Variants in PLCE1 observed in about 807,000 individuals in gnomAD.
PLCE1 encodes 1-phosphatidylinositol 4,5-bisphosphate phosphodiesterase epsilon-1.
Under a neutral mutation model 242.8 loss-of-function variants are expected in PLCE1, and 119 were observed. The ratio of observed to expected loss-of-function variants is 0.49; its 90% CI spans 0.42 to 0.57. The LOEUF is 0.57. Ranked by LOEUF, PLCE1 falls within the 20% of genes least tolerant of loss-of-function variation. PLCE1 has a pLI of 0.00. For synonymous variants in PLCE1, 945 were observed against 1,017.4 expected (o/e 0.93, Z 1.35); for missense variants, 2,441 against 2,788.8 (o/e 0.88, Z 2.81).
chr10:94,266,436 T>C (rs77299107), intron 16 of PLCE1, among the ~76,000 whole-genome samples: 1 of 149,146 alleles, frequency 6.7e-6, no homozygotes, highest in Non-Finnish European at 1.5e-5. Context: ...CCAAAAAAAA[T>C]GCAGAAAAAA....
chr10:94,070,565 C>A (rs775727200), intron 2 of PLCE1, among the ~76,000 whole-genome samples: 2 of 152,196 alleles, frequency 1.3e-5, no homozygotes, highest in African/African-American at 2.4e-5. Context: ...TTATTACTTT[C>A]TCAGTCTAGA....
intron 26 of PLCE1, among the ~76,000 whole-genome samples, chr10:94,307,269 T>A (rs1169394958): frequency 6.6e-6 from 1 of 152,210 alleles, no homozygotes; most frequent in African/African-American, 2.4e-5. Flanking sequence ...ACCATGCAGA[T>A]CGTGATTCAG....
chr10:94,032,327 G>C, intron 2 of PLCE1, 75 bp downstream of exon 2: 1 of 1,334,272 alleles, frequency 7.5e-7, no homozygotes, highest in Non-Finnish European at 1.1e-6. Flanking sequence ...AATTTCCATT[G>C]TCATAATTGA....
rs143152355 is a variant in PLCE1, at chr10:94,199,349, C to A, written c.1809+27853C>A. On this transcript the variant is annotated intron_variant, in intron 4 of 32. Transcript: ENST00000371380. ...CATTCCAGTTGCTCCATATCCACAC[C>A]AGCCCTTGTCAAAAATCTCAGTTTC... Among the ~76,000 whole-genome samples, 478 of 152,306 alleles carry A rather than the reference C, an allele frequency of 3.1e-3. 2 individuals are homozygous for A. The highest frequency in any genetic ancestry group is 7.5e-3 in the African/African-American group (312 of 41,560).
At chr10:94,153,214 G>C (rs1199833538) in intron 3 of PLCE1, among the ~76,000 whole-genome samples, 1 of 152,040 alleles carries the variant, frequency 6.6e-6, no homozygotes, top group Admixed American at 6.6e-5. Flanking sequence ...TTCTCAGTTA[G>C]ACCATACTTA....
At chr10:94,117,656 T>C (rs1426571784) in intron 2 of PLCE1, among the ~76,000 whole-genome samples, 1 of 152,208 alleles carries the variant, frequency 6.6e-6, no homozygotes, top group East Asian at 1.9e-4. Flanking sequence ...GAGAAAATCC[T>C]TGGAACACCC....
At chr10:94,102,068 C>T (rs144706515) in intron 2 of PLCE1, among the ~76,000 whole-genome samples, 56 of 152,284 alleles carry the variant, frequency 3.7e-4, no homozygotes, top group African/African-American at 1.2e-3. Context: ...TTCTCCTTGG[C>T]ATTATAACAT....
In PLCE1 at chr10:94,171,507, A is replaced by C; in HGVS notation, c.1809+11A>C. The C allele has an allele frequency of 6.2e-7, 1 of 1,606,090 alleles. No individual in the cohort carries two copies. The highest frequency in any genetic ancestry group is 1.1e-5 in the South Asian group (1 of 90,886). On this transcript the variant is annotated intron_variant, in intron 4 of 32. Transcript: ENST00000371380. ...ATGAGGTTTAATGAGGTAAGAAGCCACTTTTTGATGTCTTGGTATTTGACT... is the reference window on the plus strand; with the variant it reads ...ATGAGGTTTAATGAGGTAAGAAGCCCCTTTTTGATGTCTTGGTATTTGACT...
At chr10:94,106,912 T>TTCTCTTTCTCTC (rs1392359262) in intron 2 of PLCE1, among the ~76,000 whole-genome samples, 6 of 38,772 alleles carry the variant, frequency 1.5e-4, no homozygotes, top group Admixed American at 5.0e-4. Flanking sequence ...TGTCTCTTGT[T>TTCTCTTTCTCTC]TCTCTCTCTC....
At chr10:94,174,640 C>A (rs1239077019) in intron 4 of PLCE1, among the ~76,000 whole-genome samples, 2 of 152,066 alleles carry the variant, frequency 1.3e-5, no homozygotes, top group Non-Finnish European at 2.9e-5. Flanking sequence ...GGCAGGACTT[C>A]ATCTCTATAG....
At chr10:94,300,167 G>T (rs373051661) in intron 24 of PLCE1, among the ~76,000 whole-genome samples, 18 of 152,282 alleles carry the variant, frequency 1.2e-4, no homozygotes, top group African/African-American at 4.3e-4. Context: ...AAGTGCATTT[G>T]GTTTTGGATG....
intron 2 of PLCE1, among the ~76,000 whole-genome samples, chr10:94,061,233 A>T (rs2134964473): frequency 6.6e-6 from 1 of 152,328 alleles, no homozygotes; most frequent in Non-Finnish European, 1.5e-5. Context: ...AGCTCAGGAA[A>T]CCAGTTGTGT....
intron 2 of PLCE1, among the ~76,000 whole-genome samples, chr10:94,069,229 TC>T (rs2044283081): frequency 6.6e-6 from 1 of 152,140 alleles, no homozygotes; most frequent in African/African-American, 2.4e-5. Context: ...TATACAGTTG[TC>T]CCCAAATAAA....
intron 2 of PLCE1, among the ~76,000 whole-genome samples, chr10:94,071,495 G>GTTTTTCTTTTTT (rs2044352147): frequency 1.2e-5 from 1 of 83,316 alleles, no homozygotes; most frequent in Non-Finnish European, 2.1e-5. Flanking sequence ...TTTGGTTTTC[G>GTTTTTCTTTTTT]TTTTTTTTTT....
At chr10:94,227,165 C>T in intron 4 of PLCE1, 141 bp from the exon 5 acceptor site, 2 of 763,278 alleles carry the variant, frequency 2.6e-6, no homozygotes, top group South Asian at 1.5e-5. Flanking sequence ...GCGTGAACCA[C>T]CACGCCCAGC....
intron 2 of PLCE1, among the ~76,000 whole-genome samples, chr10:94,102,714 C>A (rs1000566239): frequency 6.6e-6 from 1 of 152,162 alleles, no homozygotes; most frequent in Non-Finnish European, 1.5e-5. Flanking sequence ...TCCTCCACAC[C>A]CCAGCCCTGG....
intron 2 of PLCE1, chr10:94,120,931 A>G (rs1343065274): frequency 1.3e-5 from 2 of 152,360 alleles, no homozygotes; most frequent in Non-Finnish European, 2.9e-5. Flanking sequence ...TGAAGAAACC[A>G]TGGGGACTAA....
intron 4 of PLCE1, among the ~76,000 whole-genome samples, chr10:94,209,891 A>G (rs1256034386): frequency 6.6e-6 from 1 of 152,202 alleles, no homozygotes; most frequent in Non-Finnish European, 1.5e-5. Context: ...CTTTAGTCCC[A>G]CAGTTCTGTA....
intron 4 of PLCE1, among the ~76,000 whole-genome samples, chr10:94,174,457 G>A (rs1033748349): frequency 3.9e-5 from 6 of 152,194 alleles, no homozygotes; most frequent in African/African-American, 1.2e-4. Context: ...ATGAGAAATA[G>A]GACATTTGCA....
Sources: gnomAD v4.1 joint callset for allele counts (sites outside exome capture counted in the v4.1 genomes callset) on GRCh38, gnomAD v4.1.1 for gene constraint, MANE v1.5 for transcripts, NCBI Gene and HGNC (gene_info 2026-07-23, HGNC 2026-07-21) for gene names.